Variants in RTKN2 observed in about 807,000 individuals in gnomAD.
The protein encoded by RTKN2 is rhotekin-2.
A neutral mutation model predicts 71.5 loss-of-function variants in RTKN2; 69 were observed. That is an observed-to-expected ratio of 0.96 (90% confidence interval 0.79 to 1.18). The LOEUF (loss-of-function observed/expected upper bound fraction) is 1.18, where lower values mean the gene tolerates loss of function less well. Among genes scored for constraint, RTKN2 ranks in the 50% most tolerant of loss-of-function variants. The probability of loss-of-function intolerance (pLI) is 0.00; values close to 1 mark genes in which losing one functional copy is unlikely to be tolerated. For missense variants in RTKN2, 724 were observed against 719.7 expected (o/e 1.01, Z -0.07); for synonymous variants, 236 against 236.5 (o/e 1.00, Z 0.02).
intron 10 of RTKN2, among the ~76,000 whole-genome samples, chr10:62,200,653 T>C (rs1053910269): frequency 3.3e-5 from 5 of 152,032 alleles, no homozygotes; most frequent in African/African-American, 7.2e-5. Flanking sequence ...GTTTTAACTA[T>C]GAAAATTTTG....
At chr10:62,216,748 T>G (rs887053033) in intron 9 of RTKN2, among the ~76,000 whole-genome samples, 1 of 152,102 alleles carries the variant, frequency 6.6e-6, no homozygotes, top group Non-Finnish European at 1.5e-5. Flanking sequence ...GAATGTCTTT[T>G]TATGGCTTCA....
At chr10:62,252,012 C>T (rs1362894897) in intron 2 of RTKN2, among the ~76,000 whole-genome samples, 4 of 151,708 alleles carry the variant, frequency 2.6e-5, no homozygotes, top group East Asian at 1.9e-4. Flanking sequence ...GAAGAGCCAA[C>T]GTATATGTAA....
At chr10:62,256,704 C>T (rs6479797) in intron 2 of RTKN2, among the ~76,000 whole-genome samples, 1 of 150,728 alleles carries the variant, frequency 6.6e-6, no homozygotes, top group Non-Finnish European at 1.5e-5. Flanking sequence ...GTGTGTGTGT[C>T]TGTGTGTGTA....
At chr10:62,249,829 T>A (rs182662980) in intron 2 of RTKN2, among the ~76,000 whole-genome samples, 94 of 152,310 alleles carry the variant, frequency 6.2e-4, no homozygotes, top group African/African-American at 2.0e-3. Context: ...TTCTGAGTAT[T>A]TATATTTTTG....
At chr10:62,191,200 C>T (rs1841218052), downstream of RTKN2, among the ~76,000 whole-genome samples, 1 of 152,172 alleles carries the variant, frequency 6.6e-6, no homozygotes, top group African/African-American at 2.4e-5. Context: ...GACTCGATCA[C>T]AGTTCATCGC....
intron 5 of RTKN2, chr10:62,239,082 G>A (rs1163363477): frequency 2.0e-5 from 3 of 151,944 alleles, no homozygotes; most frequent in Non-Finnish European, 4.4e-5. Flanking sequence ...TAAAAGAGCA[G>A]GGACAATAAA....
At chr10:62,198,513 C>A (rs1841378655) in intron 11 of RTKN2, 70 bp from the exon 12 acceptor site, 2 of 1,153,604 alleles carry the variant, frequency 1.7e-6, no homozygotes, top group Non-Finnish European at 2.4e-6. Context: ...TAAATAAGTT[C>A]TTTTCCAAAC....
chr10:62,195,835 C>T lies in RTKN2; in HGVS notation c.*2073G>A. 1 of 985,422 alleles carries T rather than the reference C, an allele frequency of 1.0e-6. No homozygotes were observed. Among genetic ancestry groups the T allele is most frequent in the Non-Finnish European group, 1.2e-6 (1 of 830,004 alleles). The allele number at this position is 985,422 out of a possible 1,614,324, so 61.0% of individuals were successfully genotyped here. A position where few individuals can be genotyped will look rare whatever the true frequency, so the allele number is the denominator to read the frequency against. ...TGGGGAGGGGGTGGTGGTCCTTGCT[C>T]AGGCTTTTAAATGGTTCTAGGTAAA... On this transcript the variant is annotated 3_prime_UTR_variant, in exon 12 of 12. Coordinates refer to ENST00000373789, the MANE Select transcript of RTKN2 (RefSeq NM_145307.4).
intron 1 of RTKN2, among the ~76,000 whole-genome samples, chr10:62,263,380 G>A (rs1008944397): frequency 1.3e-5 from 2 of 152,128 alleles, no homozygotes; most frequent in African/African-American, 4.8e-5. Flanking sequence ...TCTTTCCTAG[G>A]GCCTGCAGAG....
intron 7 of RTKN2, among the ~76,000 whole-genome samples, chr10:62,220,767 T>G (rs532224947): frequency 6.6e-6 from 1 of 152,166 alleles, no homozygotes; most frequent in Non-Finnish European, 1.5e-5. Context: ...CATGGTAAAA[T>G]TTTAGAAAAC....
chr10:62,268,595 G>T lies in RTKN2; in HGVS notation c.16C>A (p.Leu6Met). The part of the protein sequence containing the change: MEGPS[L>M]RGPALRLAGL... ...GCCAGGCGGAGCGCAGGACCCCTCAGGCTCGGCCCCTCCATCTCCAACGCG... is the reference window on the plus strand; with the variant it reads ...GCCAGGCGGAGCGCAGGACCCCTCATGCTCGGCCCCTCCATCTCCAACGCG... The change falls in exon 1 of 12, where the codon CTG becomes ATG. Residue 6 changes from leucine (L) to methionine (M), a missense_variant. Transcript: ENST00000373789. The T allele has an allele frequency of 6.4e-7, 1 of 1,564,980 alleles. No individual in the cohort carries two copies.
At chr10:62,190,518 C>T, downstream of RTKN2, among the ~76,000 whole-genome samples, 1 of 152,094 alleles carries the variant, frequency 6.6e-6, no homozygotes, top group East Asian at 1.9e-4. Flanking sequence ...CTGGCATCAC[C>T]CTACTGGTTG....
chr10:62,224,307 T>C (rs115814975), intron 6 of RTKN2, among the ~76,000 whole-genome samples: 2,770 of 148,514 alleles, frequency 0.019, 82 homozygotes, highest in African/African-American at 0.064. Context: ...TGCCTCTGAA[T>C]GTATATTCAA....
chr10:62,264,187 G>A (rs1024353533), intron 1 of RTKN2, among the ~76,000 whole-genome samples: 4 of 152,132 alleles, frequency 2.6e-5, no homozygotes, highest in African/African-American at 9.7e-5. Flanking sequence ...AAAGATGAAA[G>A]TTAGGAGAGC....
intron 2 of RTKN2, among the ~76,000 whole-genome samples, chr10:62,260,759 A>G (rs1244134300): frequency 6.6e-6 from 1 of 152,218 alleles, no homozygotes; most frequent in African/African-American, 2.4e-5. Context: ...TTCATAACTC[A>G]TTATAAATAT....
In RTKN2 at chr10:62,241,205, A is replaced by C; in HGVS notation, c.317-10T>G. 1 of 1,538,980 alleles carries C rather than the reference A, an allele frequency of 6.5e-7. No individual in the cohort carries two copies. The highest frequency in any genetic ancestry group is 8.9e-7 in the Non-Finnish European group (1 of 1,120,512). ...AGTGGTATTCGAATATCTATAAAGA[A>C]GGGAAAAAGAAATGACAAGTAATAA... On this transcript the variant is annotated splice_polypyrimidine_tract_variant and intron_variant, in intron 3 of 11. Transcript: ENST00000373789.
intron 1 of RTKN2, among the ~76,000 whole-genome samples, chr10:62,264,836 A>ATT (rs11357727): frequency 4.6e-4 from 67 of 146,284 alleles, no homozygotes; most frequent in African/African-American, 1.5e-3. Context: ...GGGCTTGAGC[A>ATT]TTTTTTTTTT....
chr10:62,226,958 CA>C (rs1176000903), intron 6 of RTKN2, among the ~76,000 whole-genome samples: 2 of 151,764 alleles, frequency 1.3e-5, no homozygotes, highest in East Asian at 3.9e-4. Flanking sequence ...GAGACTGTCT[CA>C]AAAAAATAAC....
Position 62,268,724 on chromosome 10 carries a change from T to C in RTKN2, c.-114A>G, listed in dbSNP as rs1842915475. The stretch of plus-strand genomic sequence containing the variant: ...ACCGCCCGGCCGTACCAAGTCCCAG[T>C]CGCAGGGGCCGGGGGCGCAGGAGGA... On this transcript the variant is annotated 5_prime_UTR_variant, in exon 1 of 12. Transcript: ENST00000373789. The C allele has an allele frequency of 8.9e-7, 1 of 1,124,470 alleles. No individual in the cohort carries two copies. Among genetic ancestry groups the C allele is most frequent in the Admixed American group, 2.5e-5 (1 of 40,596 alleles). 69.7% of individuals were successfully genotyped at this position (1,124,470 alleles called of 1,614,324 possible). A position where few individuals can be genotyped will look rare whatever the true frequency, so the allele number is the denominator to read the frequency against.
Sources: gnomAD v4.1 joint callset for allele counts (sites outside exome capture counted in the v4.1 genomes callset) on GRCh38, gnomAD v4.1.1 for gene constraint, MANE v1.5 for transcripts, NCBI Gene and HGNC (gene_info 2026-07-23, HGNC 2026-07-21) for gene names.